The following NTM variants were observed in gnomAD, a reference collection of about 807,000 sequenced individuals.
The protein encoded by NTM is neurotrimin, also known as IgLON family member 2.
A neutral mutation model predicts 42.1 loss-of-function variants in NTM; 13 were observed. The observed-to-expected ratio is 0.31, with a 90% CI of 0.20 to 0.49. The LOEUF (loss-of-function observed/expected upper bound fraction) is 0.49, where lower values mean the gene tolerates loss of function less well. NTM is among the 20% of genes least tolerant of loss of function. NTM has a pLI of 0.99. For missense variants in NTM, 373 were observed against 452.8 expected, an observed-to-expected ratio of 0.82 and a Z score of 1.60; for synonymous variants, 187 against 179.2, an observed-to-expected ratio of 1.04 and a Z score of -0.35.
intron 1 of NTM, among the ~76,000 whole-genome samples, chr11:131,828,256 C>T (rs946380814): frequency 3.3e-5 from 5 of 152,124 alleles, no homozygotes; most frequent in South Asian, 2.1e-4. Context: ...TTTGTACTCT[C>T]GTCACTATCA....
At chr11:132,034,988 A>G (rs1309259278) in intron 2 of NTM, among the ~76,000 whole-genome samples, 1 of 152,066 alleles carries the variant, frequency 6.6e-6, no homozygotes, top group Admixed American at 6.6e-5. Flanking sequence ...TCAGTTTTAA[A>G]CTTGTTTATG....
chr11:132,255,791 G>A (rs1362802747), intron 4 of NTM, among the ~76,000 whole-genome samples: 2 of 151,990 alleles, frequency 1.3e-5, no homozygotes, highest in Admixed American at 6.6e-5. Flanking sequence ...CCACTTGGGT[G>A]CCCACTTCCA....
At chr11:131,817,912 G>C (rs1030421258) in intron 1 of NTM, among the ~76,000 whole-genome samples, 2 of 152,220 alleles carry the variant, frequency 1.3e-5, no homozygotes, top group Non-Finnish European at 2.9e-5. Flanking sequence ...TCCTGTTCCT[G>C]GGTTTGAACT....
rs1467430667 is a variant in NTM at position 132,301,242 on chromosome 11, A to G, written c.527-6447A>G. On this transcript the variant is annotated intron_variant, in intron 4 of 8. Coordinates refer to ENST00000683400, the MANE Select transcript of NTM (RefSeq NM_001352005.2). ...CCCAGCGAAGTGGGAAGCTCCTTAT[A>G]AAACCATCAGATCTTGTGAGAACTA... Among the ~76,000 whole-genome samples, 3 of 152,188 alleles carry G rather than the reference A, an allele frequency of 2.0e-5. No homozygotes were observed. The East Asian group carries it at 5.8e-4, about 29-fold the overall frequency.
intron 1 of NTM, chr11:131,767,208 C>T (rs1056435104): frequency 6.3e-6 from 4 of 630,446 alleles, no homozygotes; most frequent in Non-Finnish European, 7.9e-6. Flanking sequence ...TTCTTCAAAT[C>T]CAAAAAGAGT....
intron 2 of NTM, among the ~76,000 whole-genome samples, chr11:131,953,774 G>A (rs2061277385): frequency 6.6e-6 from 1 of 152,164 alleles, no homozygotes; most frequent in Non-Finnish European, 1.5e-5. Context: ...AAAAGAAATT[G>A]TTGGCAAGCT....
chr11:131,473,168 C>G lies in NTM; in HGVS notation c.82+102280C>G, dbSNP rs141981016. ...AAACACATCCCACCAGGCCCTTGAA[C>G]AGTGAGCCTCTCACCCCTCATTATT... On this transcript the variant is annotated intron_variant, in intron 1 of 8. Coordinates refer to ENST00000683400, the MANE Select transcript of NTM (RefSeq NM_001352005.2). Among the ~76,000 whole-genome samples the G allele has an allele frequency of 5.3e-4, 81 of 152,250 alleles. 2 individuals are homozygous for G. In the East Asian group the frequency reaches 0.014, roughly 27 times the overall value.
intron 4 of NTM, among the ~76,000 whole-genome samples, chr11:132,277,074 A>G (rs1232585597): frequency 6.6e-6 from 1 of 152,168 alleles, no homozygotes; most frequent in Non-Finnish European, 1.5e-5. Context: ...ATGTTTCTAC[A>G]TGGGCAATCA....
At chr11:132,256,324 G>A (rs1001231962) in intron 4 of NTM, among the ~76,000 whole-genome samples, 1 of 152,172 alleles carries the variant, frequency 6.6e-6, no homozygotes, top group African/African-American at 2.4e-5. Flanking sequence ...AATGAGCAAC[G>A]CCCATCACCC....
chr11:131,577,142 C>T (rs1296033188), intron 1 of NTM, among the ~76,000 whole-genome samples: 2 of 152,132 alleles, frequency 1.3e-5, no homozygotes, highest in Admixed American at 6.5e-5. Context: ...TCAGTTTCCT[C>T]ATTGGTAAAC....
chr11:132,287,245 A>G (rs2094279472), intron 4 of NTM, among the ~76,000 whole-genome samples: 1 of 152,230 alleles, frequency 6.6e-6, no homozygotes, highest in Non-Finnish European at 1.5e-5. Flanking sequence ...TGAAATAATG[A>G]TGATCATAGT....
intron 1 of NTM, among the ~76,000 whole-genome samples, chr11:131,421,884 A>G (rs1479054619): frequency 6.6e-6 from 1 of 152,122 alleles, no homozygotes; most frequent in Non-Finnish European, 1.5e-5. Context: ...CTTGCTAATA[A>G]GGGTTGTGCC....
intron 2 of NTM, among the ~76,000 whole-genome samples, chr11:132,083,433 G>T (rs906874062): frequency 6.6e-6 from 1 of 152,236 alleles, no homozygotes; most frequent in Non-Finnish European, 1.5e-5. Context: ...TTTGAGGGAA[G>T]TTTGTTCCAC....
At chr11:132,111,007 T>C (rs1261830045) in intron 2 of NTM, among the ~76,000 whole-genome samples, 1 of 130,602 alleles carries the variant, frequency 7.7e-6, no homozygotes, top group African/African-American at 2.9e-5. Flanking sequence ...AGAGCTACAA[T>C]GAGCCATGAT....
At chr11:132,254,559 C>T (rs1176183628) in intron 4 of NTM, among the ~76,000 whole-genome samples, 1 of 152,020 alleles carries the variant, frequency 6.6e-6, no homozygotes, top group Admixed American at 6.5e-5. Flanking sequence ...GCTGGCCTTC[C>T]TTTGGCCACT....
At chr11:131,735,269 G>T (rs2080265520) in intron 1 of NTM, among the ~76,000 whole-genome samples, 3 of 152,264 alleles carry the variant, frequency 2.0e-5, no homozygotes, top group Non-Finnish European at 4.4e-5. Context: ...AGAAAGCTTT[G>T]TGGTATTTAA....
intron 1 of NTM, among the ~76,000 whole-genome samples, chr11:131,481,360 T>C (rs1008544369): frequency 3.3e-5 from 5 of 152,250 alleles, no homozygotes; most frequent in African/African-American, 9.6e-5. Flanking sequence ...TGTCTCTGGC[T>C]GTGCTCAGCT....
Position 132,206,513 on chromosome 11 carries a change from A to T in NTM, c.401-5509A>T, listed in dbSNP as rs192797077. ...TAACTTACTCCTATGTCTTTGAAAC[A>T]GTCTTTATGAGGTTCAGACAGTTAT... is the stretch of plus-strand genomic sequence containing the variant. On this transcript the variant is annotated intron_variant, in intron 3 of 8. Coordinates refer to ENST00000683400, the MANE Select transcript of NTM (RefSeq NM_001352005.2). 5.3e-5 allele frequency among the ~76,000 whole-genome samples: 8 copies of T among 152,358 alleles called. No individual in the cohort carries two copies. The East Asian group carries it at 1.4e-3, about 26-fold the overall frequency.
intron 1 of NTM, among the ~76,000 whole-genome samples, chr11:131,647,885 C>T (rs1000804818): frequency 4.6e-5 from 7 of 152,124 alleles, no homozygotes; most frequent in African/African-American, 1.7e-4. Flanking sequence ...TTAAGGGGTA[C>T]ATGTGCAGGT....
Sources: allele counts gnomAD v4.1 joint callset (sites outside exome capture counted in the v4.1 genomes callset), GRCh38; gene constraint gnomAD v4.1.1; transcripts MANE v1.5; gene names NCBI Gene and HGNC (gene_info 2026-07-23, HGNC 2026-07-21).